Variants in ORC2 observed in about 807,000 individuals in gnomAD.
ORC2 encodes origin recognition complex protein 2 homolog.
A neutral mutation model predicts 77.7 loss-of-function variants in ORC2; 37 were observed. The ratio of observed to expected loss-of-function variants is 0.48; its 90% CI spans 0.37 to 0.63. The LOEUF (loss-of-function observed/expected upper bound fraction) is 0.63. ORC2 is among the 20% of genes least tolerant of loss of function. ORC2 has a pLI of 0.00. For synonymous variants in ORC2, 201 were observed against 229.5 expected (o/e 0.88, Z 1.12); for missense variants, 557 against 661.9 (o/e 0.84, Z 1.74).
intron 1 of ORC2, among the ~76,000 whole-genome samples, chr2:200,961,707 CA>C (rs1277780285): frequency 2.0e-5 from 3 of 152,106 alleles, no homozygotes; most frequent in African/African-American, 7.2e-5. Flanking sequence ...GGATTTGAAG[CA>C]GTGACAATGA....
chr2:200,949,702 A>T (rs1374699490), intron 4 of ORC2, 59 bp from the exon 5 acceptor site: 2 of 988,294 alleles, frequency 2.0e-6, no homozygotes, highest in Non-Finnish European at 3.1e-6. Context: ...ACAGAAAAAA[A>T]TTTTAACAAA....
chr2:200,910,661 A>G lies in ORC2; in HGVS notation c.*640T>C, dbSNP rs961531189. 1 of 152,174 alleles carries G rather than the reference A, an allele frequency of 6.6e-6. No homozygotes were observed. Among genetic ancestry groups the G allele is most frequent in the African/African-American group, 2.4e-5 (1 of 41,412 alleles). The allele number at this position is 152,174 out of a possible 1,614,324, so 9.4% of individuals were successfully genotyped here. On this transcript the variant is annotated 3_prime_UTR_variant, in exon 18 of 18. Coordinates refer to ENST00000234296, the MANE Select transcript of ORC2 (RefSeq NM_006190.5). Reference sequence around the variant, plus strand: ...GCTTTCTAGGCTGGGTAGATACCCTATATACTCTGTTTTTCCCATTATCCC... The same window carrying G: ...GCTTTCTAGGCTGGGTAGATACCCTGTATACTCTGTTTTTCCCATTATCCC...
At chr2:200,948,192 C>T (rs2041286773) in intron 5 of ORC2, among the ~76,000 whole-genome samples, 1 of 151,928 alleles carries the variant, frequency 6.6e-6, no homozygotes, top group Non-Finnish European at 1.5e-5. Flanking sequence ...GGATTACAGG[C>T]GTGAGCCACT....
At chr2:200,957,979 T>C (rs756746520) in intron 3 of ORC2, 51 bp downstream of exon 3, 4 of 1,126,960 alleles carry the variant, frequency 3.5e-6, no homozygotes, top group Admixed American at 1.8e-5. Flanking sequence ...AGTGAAATAA[T>C]CCATAAACAT....
chr2:200,952,964 T>A (rs2041390462), intron 4 of ORC2, among the ~76,000 whole-genome samples: 1 of 151,586 alleles, frequency 6.6e-6, no homozygotes, highest in South Asian at 2.1e-4. Flanking sequence ...ATACAAAAAC[T>A]AGCCAGGCAT....
At chr2:200,914,049 C>T in intron 15 of ORC2, 57 bp from the exon 16 acceptor site, 1 of 1,042,942 alleles carries the variant, frequency 9.6e-7, no homozygotes, top group Non-Finnish European at 1.4e-6. Context: ...CAAAAGGTAA[C>T]AACTAATAGT....
rs115549220 is a variant in ORC2, at chr2:200,919,331, A to G, written c.1466+891T>C. On this transcript the variant is annotated intron_variant, in intron 15 of 17. Coordinates refer to ENST00000234296, the MANE Select transcript of ORC2 (RefSeq NM_006190.5). ...GTCAGGGGGTAAAGTTTGTTACTAA[A>G]AGCTTCTTTCAACAGGCTAATTATG... Among the ~76,000 whole-genome samples, 1,467 of 152,216 alleles carry G rather than the reference A, an allele frequency of 9.6e-3. 19 individuals are homozygous for G. The highest frequency in any genetic ancestry group is 0.034 in the African/African-American group (1,401 of 41,540).
chr2:200,931,114 C>G (rs368580424), intron 11 of ORC2, among the ~76,000 whole-genome samples: 2 of 151,920 alleles, frequency 1.3e-5, no homozygotes, highest in African/African-American at 4.8e-5. Context: ...GCTGTCAAGT[C>G]TGATAAACAC....
Position 200,935,802 on chromosome 2 carries a change from G to C in ORC2, c.605C>G (p.Thr202Ser), listed in dbSNP as rs778964822. 6.2e-7 allele frequency: 1 copy of C among 1,613,938 alleles called. No homozygotes were observed. Among genetic ancestry groups the C allele is most frequent in the South Asian group, 1.1e-5 (1 of 91,074 alleles). Reference protein sequence around the residue: ...EGVAQEHEEDTNAVIFSQKIQ... With the variant: ...EGVAQEHEEDSNAVIFSQKIQ... ...CTTTTGGCTGAATATGACTGCATTA[G>C]TGTCCTCTTCATGTTCCTGTGCAAC... is the stretch of plus-strand genomic sequence containing the variant. The change falls in exon 9 of 18, where the codon ACT becomes AGT. Residue 202 changes from threonine to serine, a missense_variant. Physicochemically the swap from Thr to Ser is moderately conservative, Grantham distance 58 (BLOSUM62 1). Coordinates refer to ENST00000234296, the MANE Select transcript of ORC2 (RefSeq NM_006190.5).
intron 2 of ORC2, among the ~76,000 whole-genome samples, chr2:200,958,766 C>T (rs2041518722): frequency 6.6e-6 from 1 of 152,210 alleles, no homozygotes. Flanking sequence ...CCTCACTGAA[C>T]AAACCTCCAG....
rs146980644 is a variant in ORC2, at chr2:200,913,344, C to T, written c.1598G>A (p.Arg533Gln). 8 of 1,601,302 alleles carry T rather than the reference C, an allele frequency of 5.0e-6. No individual in the cohort carries two copies. Among genetic ancestry groups the T allele is most frequent in the Admixed American group, 1.7e-5 (1 of 59,722 alleles). ...GTCCCTAAATTCAGTTAACTGGGCC[C>T]GGAGTGTCAGATCACTATTGACGAG... ...AFLVNSDLTL[R>Q]AQLTEFRDHK... Residue 533 changes from arginine to glutamine, a missense_variant, in exon 17 of 18, where the codon CGG (arginine) becomes CAG (glutamine). Coordinates refer to ENST00000234296, the MANE Select transcript of ORC2 (RefSeq NM_006190.5).
At chr2:200,944,325 C>T (rs1408175838) in intron 5 of ORC2, among the ~76,000 whole-genome samples, 1 of 152,082 alleles carries the variant, frequency 6.6e-6, no homozygotes, top group East Asian at 1.9e-4. Flanking sequence ...ACATGTGTGC[C>T]ATCATGCCCA....
chr2:200,955,033 G>T (rs1165322832), intron 4 of ORC2, among the ~76,000 whole-genome samples: 1 of 152,120 alleles, frequency 6.6e-6, no homozygotes, highest in Non-Finnish European at 1.5e-5. Flanking sequence ...GGGCCCTGGG[G>T]TATTTGTCCT....
intron 15 of ORC2, among the ~76,000 whole-genome samples, chr2:200,917,560 C>T (rs906534719): frequency 2.0e-5 from 3 of 152,138 alleles, no homozygotes; most frequent in Admixed American, 6.5e-5. Context: ...GGTGATGGTA[C>T]AGCTGAGTGT....
rs1301126843 is a variant in ORC2, at chr2:200,920,340, T to C, written c.1348A>G (p.Thr450Ala). 6.2e-7 allele frequency: 1 copy of C among 1,612,226 alleles called. No homozygotes were observed. The highest frequency in any genetic ancestry group is 8.5e-7 in the Non-Finnish European group (1 of 1,178,716). Residue 450 changes from threonine (T) to alanine (A), a missense_variant, in exon 15 of 18, where the codon ACA becomes GCA. By Grantham distance (58) the Thr-to-Ala change is moderately conservative. Coordinates refer to ENST00000234296, the MANE Select transcript of ORC2 (RefSeq NM_006190.5). Reference sequence around the variant, plus strand: ...GTTTCTTCAGTATAAGGACTGTATGTAGTAGTTTCATACCAGAGCCAGTTA... The same window carrying C: ...GTTTCTTCAGTATAAGGACTGTATGCAGTAGTTTCATACCAGAGCCAGTTA... ...LFNWLWYETT[T>A]YSPYTEETSY...
intron 9 of ORC2, among the ~76,000 whole-genome samples, chr2:200,934,736 T>TA (rs1319199584): frequency 2.6e-5 from 4 of 151,880 alleles, no homozygotes; most frequent in African/African-American, 9.7e-5. Context: ...CACAAACAAA[T>TA]AAAAAAACTG....
At chr2:200,913,902 C>T (rs202033570) in intron 16 of ORC2, 29 bp downstream of exon 16, 1 of 1,564,168 alleles carries the variant, frequency 6.4e-7, no homozygotes, top group East Asian at 2.3e-5. Flanking sequence ...ACAAAAATTA[C>T]ACAATTGAAT....
At chr2:200,914,615 T>A (rs954538795) in intron 15 of ORC2, among the ~76,000 whole-genome samples, 2 of 151,998 alleles carry the variant, frequency 1.3e-5, no homozygotes, top group African/African-American at 2.4e-5. Flanking sequence ...TCTGTCTCTA[T>A]AAAAAATTAA....
chr2:200,961,152 G>T (rs1439793087), intron 1 of ORC2, among the ~76,000 whole-genome samples: 1 of 151,776 alleles, frequency 6.6e-6, no homozygotes, highest in African/African-American at 2.4e-5. Context: ...ATAAATGCTT[G>T]GTTTTTTTGT....
Sources: gnomAD v4.1 joint callset for allele counts (sites outside exome capture counted in the v4.1 genomes callset) on GRCh38, gnomAD v4.1.1 for gene constraint, MANE v1.5 for transcripts, NCBI Gene and HGNC (gene_info 2026-07-23, HGNC 2026-07-21) for gene names.